The following FBXO36 variants were observed in gnomAD, a reference collection of about 807,000 sequenced individuals.
FBXO36 encodes F-box protein 36.
Under a neutral mutation model 17.0 loss-of-function variants are expected in FBXO36, and 18 were observed. The observed-to-expected ratio is 1.06, with a 90% CI of 0.73 to 1.57. The LOEUF (loss-of-function observed/expected upper bound fraction) is 1.57, where lower values mean the gene tolerates loss of function less well. FBXO36 is among the 40% of genes most tolerant of loss of function. The pLI is 0.00. For missense variants in FBXO36, 229 were observed against 221.9 expected, an observed-to-expected ratio of 1.03 and a Z score of -0.20; for synonymous variants, 83 against 85.3, an observed-to-expected ratio of 0.97 and a Z score of 0.15.
At chr2:229,991,223 A>G (rs964014466) in intron 2 of FBXO36, among the ~76,000 whole-genome samples, 2 of 152,228 alleles carry the variant, frequency 1.3e-5, no homozygotes, top group African/African-American at 4.8e-5. Flanking sequence ...GGCATGAGCT[A>G]CTGTGCCTGG....
intron 1 of FBXO36, among the ~76,000 whole-genome samples, chr2:229,949,841 C>T (rs994569671): frequency 1.1e-4 from 17 of 152,202 alleles, no homozygotes; most frequent in Admixed American, 4.6e-4. Context: ...AGGAGAATGG[C>T]GTGAACCTGG....
intron 3 of FBXO36, among the ~76,000 whole-genome samples, chr2:230,009,784 A>T (rs1468802823): frequency 6.6e-6 from 1 of 151,956 alleles, no homozygotes; most frequent in Non-Finnish European, 1.5e-5. Flanking sequence ...CTCTATAAAA[A>T]AAAATACAAA....
intron 1 of FBXO36, among the ~76,000 whole-genome samples, chr2:229,963,579 G>A (rs1165801792): frequency 3.3e-5 from 5 of 151,804 alleles, no homozygotes; most frequent in Admixed American, 6.6e-5. Flanking sequence ...CGAGTAGCTG[G>A]GACTACAGGC....
chr2:229,953,861 ATTAT>A, intron 1 of FBXO36, among the ~76,000 whole-genome samples: 1 of 151,944 alleles, frequency 6.6e-6, no homozygotes, highest in East Asian at 1.9e-4. Context: ...AGTCAACGTA[ATTAT>A]TTCTTTTTTT....
rs80288622 is a variant in FBXO36 at position 229,998,038 on chromosome 2, G to T, written c.378+1115G>T. ...CAACTGAGGAACCCTGACTAGCTCG[G>T]TATTTAGCTGTAATGTGTTGGGGCA... On this transcript the variant is annotated intron_variant, in intron 3 of 3. Transcript: ENST00000283946. Among the ~76,000 whole-genome samples, 53 of 152,256 alleles carry T rather than the reference G, an allele frequency of 3.5e-4. 1 individual carries two copies. In the East Asian group the frequency reaches 0.01, roughly 29 times the overall value.
At chr2:229,962,065 C>CT (rs2077124190) in intron 1 of FBXO36, among the ~76,000 whole-genome samples, 1 of 151,962 alleles carries the variant, frequency 6.6e-6, no homozygotes, top group South Asian at 2.1e-4. Context: ...CGCCTGTAAT[C>CT]CCAGCTACCA....
intron 1 of FBXO36, among the ~76,000 whole-genome samples, chr2:229,964,988 A>C (rs2077143695): frequency 6.6e-6 from 1 of 152,100 alleles, no homozygotes; most frequent in Non-Finnish European, 1.5e-5. Flanking sequence ...CCATGGAATA[A>C]GTTTTTATGT....
intron 2 of FBXO36, among the ~76,000 whole-genome samples, chr2:229,983,494 T>A (rs1339904885): frequency 6.6e-6 from 1 of 151,930 alleles, no homozygotes; most frequent in African/African-American, 2.4e-5. Context: ...TTAGTAGAGA[T>A]GAGGTCTTGC....
At chr2:229,961,057 G>A (rs1018930080) in intron 1 of FBXO36, among the ~76,000 whole-genome samples, 6 of 151,684 alleles carry the variant, frequency 4.0e-5, no homozygotes, top group Non-Finnish European at 7.4e-5. Flanking sequence ...GCAGTGAGCC[G>A]AGATCACCGC....
intron 1 of FBXO36, among the ~76,000 whole-genome samples, chr2:229,937,649 T>C (rs534527278): frequency 1.3e-5 from 2 of 152,224 alleles, no homozygotes; most frequent in South Asian, 4.2e-4. Flanking sequence ...TGTTGGCTTT[T>C]TTTCCACTCA....
At chr2:229,940,059 C>T (rs1167902118) in intron 1 of FBXO36, among the ~76,000 whole-genome samples, 1 of 151,732 alleles carries the variant, frequency 6.6e-6, no homozygotes, top group Non-Finnish European at 1.5e-5. Flanking sequence ...CAGCCTGCTC[C>T]GCTGGAGTGA....
At chr2:229,930,207 A>G (rs1391100210) in intron 1 of FBXO36, among the ~76,000 whole-genome samples, 3 of 152,142 alleles carry the variant, frequency 2.0e-5, no homozygotes. Context: ...TTAGCTGTGC[A>G]TGGTGACATG....
chr2:230,002,176 C>T (rs1222562512), intron 3 of FBXO36, among the ~76,000 whole-genome samples: 1 of 151,910 alleles, frequency 6.6e-6, no homozygotes, highest in Non-Finnish European at 1.5e-5. Flanking sequence ...CCCAGCTTCC[C>T]CCATGTTGAC....
chr2:229,969,248 C>T (rs1256706062), intron 1 of FBXO36, among the ~76,000 whole-genome samples: 1 of 148,972 alleles, frequency 6.7e-6, no homozygotes, highest in Non-Finnish European at 1.5e-5. Context: ...CAGGGTCACC[C>T]TCTGTTGCCC....
At chr2:229,955,798 C>A (rs1345270748) in intron 1 of FBXO36, among the ~76,000 whole-genome samples, 2 of 152,210 alleles carry the variant, frequency 1.3e-5, no homozygotes, top group Non-Finnish European at 2.9e-5. Flanking sequence ...TCATTCTCTA[C>A]ATTATCATGG....
Position 229,996,782 on chromosome 2 carries a change from A to G in FBXO36, c.237A>G (p.Ile79Met), listed in dbSNP as rs145930016. ...CTGCCTTAATATTTGGTGCAAGAAT[A>G]TTAGACTATGTCATCAATTTGTGCA... ...GQTALIFGAR[I>M]LDYVINLCKG... Residue 79 changes from isoleucine (I) to methionine (M), a missense_variant, in exon 3 of 4, where the codon ATA (isoleucine) becomes ATG (methionine). Coordinates refer to ENST00000283946, the MANE Select transcript of FBXO36 (RefSeq NM_174899.5). 1.2e-5 allele frequency: 19 copies of G among 1,612,774 alleles called. No homozygotes were observed. In the African/African-American group the frequency reaches 2.4e-4, roughly 20 times the overall value.
At chr2:229,926,113 G>A in intron 1 of FBXO36, among the ~76,000 whole-genome samples, 1 of 126,502 alleles carries the variant, frequency 7.9e-6, no homozygotes, top group Non-Finnish European at 1.6e-5. Flanking sequence ...AACATAGCAA[G>A]ACCCCTTCTC....
intron 2 of FBXO36, among the ~76,000 whole-genome samples, chr2:229,977,754 T>A (rs1220899942): frequency 6.6e-6 from 1 of 152,154 alleles, no homozygotes; most frequent in Non-Finnish European, 1.5e-5. Context: ...CCGGCCAGAA[T>A]GGTTTTTAAC....
At chr2:229,964,979 C>T (rs1226458052) in intron 1 of FBXO36, among the ~76,000 whole-genome samples, 1 of 152,070 alleles carries the variant, frequency 6.6e-6, no homozygotes, top group Admixed American at 6.6e-5. Flanking sequence ...GAGATTTTTC[C>T]ATGGAATAAG....
Sources: allele counts gnomAD v4.1 joint callset (sites outside exome capture counted in the v4.1 genomes callset), GRCh38; gene constraint gnomAD v4.1.1; transcripts MANE v1.5; gene names NCBI Gene and HGNC (gene_info 2026-07-23, HGNC 2026-07-21).